The following CPA6 variants were observed in gnomAD, a reference collection of about 807,000 sequenced individuals.
The protein encoded by CPA6 is carboxypeptidase B.
Under a neutral mutation model 63.3 loss-of-function variants are expected in CPA6, and 58 were observed. That is an observed-to-expected ratio of 0.92 (90% CI 0.74 to 1.14). CPA6 has a LOEUF of 1.14. CPA6 is among the 50% of genes most tolerant of loss of function. The pLI is 0.00. For missense variants in CPA6, 565 were observed against 526.6 expected (o/e 1.07, Z -0.71); for synonymous variants, 185 against 179.0 (o/e 1.03, Z -0.27).
chr8:67,710,880 T>C (rs1817245615), intron 1 of CPA6, among the ~76,000 whole-genome samples: 1 of 152,192 alleles, frequency 6.6e-6, no homozygotes, highest in South Asian at 2.1e-4. Flanking sequence ...AAATGTAAAA[T>C]AGTCACATAT....
At chr8:67,591,043 A>G (rs377179554) in intron 2 of CPA6, among the ~76,000 whole-genome samples, 1 of 150,860 alleles carries the variant, frequency 6.6e-6, no homozygotes, top group Admixed American at 6.6e-5. Flanking sequence ...TCTTTAATCC[A>G]TCTTGAATTA....
At chr8:67,577,505 A>T (rs186474851) in intron 2 of CPA6, among the ~76,000 whole-genome samples, 19 of 152,300 alleles carry the variant, frequency 1.2e-4, no homozygotes, top group Admixed American at 9.2e-4. Context: ...ATTGAAGAAT[A>T]GGCATCTTTC....
chr8:67,423,581 C>G (rs1021517250), intron 10 of CPA6, among the ~76,000 whole-genome samples: 1 of 152,162 alleles, frequency 6.6e-6, no homozygotes, highest in East Asian at 1.9e-4. Flanking sequence ...TGTCCTTTTC[C>G]TGCTTTTGTT....
At chr8:67,557,285 G>C (rs1465183165) in intron 2 of CPA6, among the ~76,000 whole-genome samples, 1 of 152,114 alleles carries the variant, frequency 6.6e-6, no homozygotes, top group Non-Finnish European at 1.5e-5. Context: ...GAAGCCTGCA[G>C]GTTATTCTCT....
At chr8:67,559,453 C>T (rs917130280) in intron 2 of CPA6, among the ~76,000 whole-genome samples, 5 of 152,110 alleles carry the variant, frequency 3.3e-5, no homozygotes, top group African/African-American at 1.2e-4. Context: ...CTGCCACACA[C>T]CCCTGCACTA....
At chr8:67,441,496 C>T (rs1268309101) in intron 8 of CPA6, among the ~76,000 whole-genome samples, 4 of 152,116 alleles carry the variant, frequency 2.6e-5, no homozygotes, top group Non-Finnish European at 5.9e-5. Context: ...AACTAAAGAA[C>T]TCTGAAAGTT....
intron 2 of CPA6, among the ~76,000 whole-genome samples, chr8:67,565,658 A>T (rs1334451266): frequency 6.6e-6 from 1 of 152,230 alleles, no homozygotes; most frequent in African/African-American, 2.4e-5. Flanking sequence ...AGGACTGCAT[A>T]GTCAAGGATA....
chr8:67,612,796 CCACATATGCATCCCT>C (rs1472204885), intron 2 of CPA6, among the ~76,000 whole-genome samples: 2 of 152,122 alleles, frequency 1.3e-5, no homozygotes, highest in East Asian at 3.8e-4. Context: ...CAAAGTATTG[CCACATATGCATCCCT>C]AATAGCTGTT....
At chr8:67,524,579 C>A (rs79681209) in intron 2 of CPA6, among the ~76,000 whole-genome samples, 6,978 of 151,950 alleles carry the variant, frequency 0.046, 492 homozygotes, top group African/African-American at 0.16. Flanking sequence ...CCAGGATGAC[C>A]TCATCTCCAG....
chr8:67,516,143 C>T lies in CPA6; in HGVS notation c.317+1780G>A, dbSNP rs184519131. Among the ~76,000 whole-genome samples the T allele has an allele frequency of 7.8e-4, 119 of 152,322 alleles. 1 individual carries two copies. Among genetic ancestry groups the T allele is most frequent in the African/African-American group, 2.7e-3 (112 of 41,584 alleles). On this transcript the variant is annotated intron_variant, in intron 3 of 10. Transcript: ENST00000297770. ...TCACACTCTCTCTTCTCTGCAACAA[C>T]CACCTCTCTTTGTTCATACCCCAGT...
At chr8:67,604,271 G>C (rs189328385) in intron 2 of CPA6, among the ~76,000 whole-genome samples, 37 of 152,296 alleles carry the variant, frequency 2.4e-4, no homozygotes, top group African/African-American at 8.4e-4. Context: ...AACACATCTG[G>C]TTGTGGCAGT....
At chr8:67,489,146 A>G (rs532302148) in intron 6 of CPA6, among the ~76,000 whole-genome samples, 50 of 151,388 alleles carry the variant, frequency 3.3e-4, no homozygotes, top group South Asian at 8.3e-4. Flanking sequence ...GGGTCTCCCT[A>G]TGTTGCCCAG....
intron 5 of CPA6, among the ~76,000 whole-genome samples, chr8:67,508,869 C>T (rs975346099): frequency 3.3e-5 from 5 of 151,972 alleles, no homozygotes; most frequent in South Asian, 4.2e-4. Flanking sequence ...GTTCTCATGT[C>T]GCTATAAAGA....
intron 8 of CPA6, among the ~76,000 whole-genome samples, chr8:67,435,731 T>C (rs2128952664): frequency 1.3e-5 from 2 of 152,180 alleles, no homozygotes; most frequent in Middle Eastern, 3.4e-3. Flanking sequence ...GATGAAGCAG[T>C]GCCAGAGAGG....
intron 3 of CPA6, among the ~76,000 whole-genome samples, chr8:67,513,416 C>T (rs546429131): frequency 6.6e-6 from 1 of 152,220 alleles, no homozygotes; most frequent in African/African-American, 2.4e-5. Context: ...TCCAATACTG[C>T]AGGGAACCTT....
chr8:67,723,072 A>G (rs942628166), intron 1 of CPA6, among the ~76,000 whole-genome samples: 5 of 152,046 alleles, frequency 3.3e-5, no homozygotes, highest in African/African-American at 1.2e-4. Context: ...AAAATATATC[A>G]CACACACCCC....
rs1426907800 is a variant in CPA6 at position 67,575,752 on chromosome 8, G to A, written c.192+48424C>T. ...AGGTGCCTGTAATCCCAGCTACCTG[G>A]GAGGCTGAGGCAGGAGAATTGCTTG... On this transcript the variant is annotated intron_variant, in intron 2 of 10. Transcript: ENST00000297770. Among the ~76,000 whole-genome samples, 10 of 152,144 alleles carry A rather than the reference G, an allele frequency of 6.6e-5. No homozygotes were observed. In the South Asian group the frequency reaches 2.1e-3, roughly 32 times the overall value.
intron 2 of CPA6, among the ~76,000 whole-genome samples, chr8:67,589,145 C>T (rs1814033144): frequency 6.6e-6 from 1 of 151,602 alleles, no homozygotes; most frequent in Non-Finnish European, 1.5e-5. Context: ...GTTGAGATGC[C>T]ATAATTATTG....
At chr8:67,712,322 G>A (rs539414552) in intron 1 of CPA6, among the ~76,000 whole-genome samples, 1 of 152,252 alleles carries the variant, frequency 6.6e-6, no homozygotes, top group Non-Finnish European at 1.5e-5. Flanking sequence ...GCACCCTCAG[G>A]GAACTGCTAG....
Sources: gnomAD v4.1 joint callset for allele counts (sites outside exome capture counted in the v4.1 genomes callset) on GRCh38, gnomAD v4.1.1 for gene constraint, MANE v1.5 for transcripts, NCBI Gene and HGNC (gene_info 2026-07-23, HGNC 2026-07-21) for gene names.